The following STARD13 variants were observed in gnomAD, a reference collection of about 807,000 sequenced individuals.
STARD13 encodes stAR-related lipid transfer protein 13.
A neutral mutation model predicts 106.4 loss-of-function variants in STARD13; 62 were observed. The ratio of observed to expected loss-of-function variants is 0.58; its 90% CI spans 0.48 to 0.72. The LOEUF (loss-of-function observed/expected upper bound fraction) is 0.72. Among genes scored for constraint, STARD13 ranks in the 30% least tolerant of loss-of-function variants. STARD13 has a pLI of 0.00. For missense variants in STARD13, 1,387 were observed against 1,424.0 expected (o/e 0.97, Z 0.42); for synonymous variants, 565 against 553.0 (o/e 1.02, Z -0.31).
At chr13:33,218,892 T>C (rs1888189053) in intron 1 of STARD13, among the ~76,000 whole-genome samples, 1 of 152,192 alleles carries the variant, frequency 6.6e-6, no homozygotes, top group Non-Finnish European at 1.5e-5. Context: ...TGCTTGGTTA[T>C]GCTGAACAAC....
chr13:33,176,336 G>C (rs192136893), intron 1 of STARD13, among the ~76,000 whole-genome samples: 1 of 152,226 alleles, frequency 6.6e-6, no homozygotes, highest in African/African-American at 2.4e-5. Context: ...ACGTGTCTTT[G>C]CCAGTTTTCT....
At chr13:33,135,114 A>G (rs1878882220) in intron 4 of STARD13, among the ~76,000 whole-genome samples, 1 of 152,206 alleles carries the variant, frequency 6.6e-6, no homozygotes. Context: ...AGTAATCAGA[A>G]TGGCCAAGGA....
At chr13:33,200,792 T>C (rs1057027359) in intron 1 of STARD13, among the ~76,000 whole-genome samples, 2 of 150,790 alleles carry the variant, frequency 1.3e-5, no homozygotes, top group Non-Finnish European at 3.0e-5. Flanking sequence ...GAGGCCAAGG[T>C]GGGCAGATCA....
At chr13:33,174,134 G>A (rs1884275418) in intron 1 of STARD13, among the ~76,000 whole-genome samples, 1 of 151,988 alleles carries the variant, frequency 6.6e-6, no homozygotes, top group East Asian at 1.9e-4. Context: ...TTTATTCCTC[G>A]TCACTCAAGG....
chr13:33,590,711 AG>A, the STARD13 span, among the ~76,000 whole-genome samples: 1 of 28,290 alleles, frequency 3.5e-5, no homozygotes, highest in Non-Finnish European at 6.4e-5. Flanking sequence ...GGGTGGGGGG[AG>A]GGGGGAGGGG....
intron 1 of STARD13, among the ~76,000 whole-genome samples, chr13:33,265,084 C>T (rs970775007): frequency 2.6e-5 from 4 of 152,178 alleles, no homozygotes; most frequent in Non-Finnish European, 5.9e-5. Context: ...GAGGTGGCTT[C>T]TTCCTCCTTG....
the STARD13 span, among the ~76,000 whole-genome samples, chr13:33,356,100 G>T: frequency 1.3e-5 from 2 of 152,082 alleles, no homozygotes; most frequent in East Asian, 1.9e-4. Flanking sequence ...GTACACTTTG[G>T]GGGGACCATG....
chr13:33,569,817 T>G, the STARD13 span, among the ~76,000 whole-genome samples: 1 of 147,422 alleles, frequency 6.8e-6, no homozygotes, highest in Non-Finnish European at 1.5e-5. Context: ...AAGATAGAGA[T>G]AAAATAAAAT....
At chr13:33,110,970 A>C in intron 10 of STARD13, 63 bp from the exon 11 acceptor site, 2 of 1,459,310 alleles carry the variant, frequency 1.4e-6, no homozygotes, top group South Asian at 1.2e-5. Context: ...GACTCAAAGA[A>C]AGCAAAGCCA....
chr13:33,660,837 G>T, the STARD13 span, among the ~76,000 whole-genome samples: 1 of 152,286 alleles, frequency 6.6e-6, no homozygotes, highest in African/African-American at 2.4e-5. Flanking sequence ...TCCTGCCTTG[G>T]CCTTCCAACG....
At chr13:33,506,983 C>A in the STARD13 span, among the ~76,000 whole-genome samples, 10 of 152,054 alleles carry the variant, frequency 6.6e-5, no homozygotes, top group African/African-American at 2.4e-4. Flanking sequence ...TGCCTGTAGT[C>A]CCAGCTACTT....
At chr13:33,302,175 A>T (rs1364698023) in intron 1 of STARD13, among the ~76,000 whole-genome samples, 2 of 152,190 alleles carry the variant, frequency 1.3e-5, no homozygotes, top group Admixed American at 6.5e-5. Context: ...CAGCAACACT[A>T]CCTGATGCTG....
At position 33,129,536 on chromosome 13, in the gene STARD13, G is replaced by T. The variant is rs778938678; in HGVS notation, c.1141C>A (p.Gln381Lys). ...GAGTGAAATTCATGCATACGGCTTT[G>T]GTCCCCTGCATCCGGCAGTGCTGTC... Reference protein sequence around the residue: ...AGTALPDAGDQSRMHEFHSQE... With the variant: ...AGTALPDAGDKSRMHEFHSQE... The change falls in exon 5 of 14, where the codon CAA (glutamine) becomes AAA (lysine). Residue 381 changes from glutamine to lysine, a missense_variant. Gln to Lys is a moderately conservative substitution (Grantham distance 53). Transcript: ENST00000336934. 4 of 1,614,030 alleles carry T rather than the reference G, an allele frequency of 2.5e-6. No homozygotes were observed. The highest frequency in any genetic ancestry group is 3.4e-6 in the Non-Finnish European group (4 of 1,180,026).
chr13:33,585,161 C>G, the STARD13 span, among the ~76,000 whole-genome samples: 3 of 152,092 alleles, frequency 2.0e-5, no homozygotes, highest in African/African-American at 4.8e-5. Context: ...GAAAATGAAC[C>G]CTTGCGCACT....
At chr13:33,524,477 AACT>A in the STARD13 span, 1 of 161,172 alleles carries the variant, frequency 6.2e-6, no homozygotes, top group Admixed American at 6.3e-5. Context: ...AATTTTTTTA[AACT>A]ACAATCATTT....
At chr13:33,549,622 T>C in the STARD13 span, among the ~76,000 whole-genome samples, 1 of 152,222 alleles carries the variant, frequency 6.6e-6, no homozygotes, top group Non-Finnish European at 1.5e-5. Context: ...ACTATTATCA[T>C]AATCACCTTG....
chr13:33,129,227 G>A lies in STARD13; in HGVS notation c.1450C>T (p.Pro484Ser). The part of the protein sequence containing the change: ...LLDLEKDDLF[P>S]HLDDILQHVN... ...TGCTGCAGAATGTCATCCAAGTGAG[G>A]GAAAAGGTCATCTTTCTCCAAGTCC... The change falls in exon 5 of 14, where the codon CCT becomes TCT. Residue 484 changes from proline (P) to serine (S), a missense_variant. Coordinates refer to ENST00000336934, the MANE Select transcript of STARD13 (RefSeq NM_178006.4). The A allele has an allele frequency of 3.7e-6, 6 of 1,614,156 alleles. No homozygotes were observed. Among genetic ancestry groups the A allele is most frequent in the Non-Finnish European group, 5.1e-6 (6 of 1,180,026 alleles).
chr13:33,125,095 C>G (rs1455262623), intron 7 of STARD13, among the ~76,000 whole-genome samples: 1 of 152,168 alleles, frequency 6.6e-6, no homozygotes, highest in Non-Finnish European at 1.5e-5. Context: ...TTCTGGTTCA[C>G]CAAGAGACCA....
In STARD13 at chr13:33,242,190, G is replaced by T. The variant is rs539950982; in HGVS notation, c.169+43280C>A. Among the ~76,000 whole-genome samples, 628 of 152,264 alleles carry T rather than the reference G, an allele frequency of 4.1e-3. 6 individuals are homozygous for T. The highest frequency in any genetic ancestry group is 0.014 in the African/African-American group (588 of 41,554). On this transcript the variant is annotated intron_variant, in intron 1 of 13. Transcript: ENST00000336934. ...AAGTGAGGAGCCCCTCCGCCCAGCA[G>T]CCGCCCCATCCGGGAGGTGGGGGGC...
Sources: allele counts gnomAD v4.1 joint callset (sites outside exome capture counted in the v4.1 genomes callset), GRCh38; gene constraint gnomAD v4.1.1; transcripts MANE v1.5; gene names NCBI Gene and HGNC (gene_info 2026-07-23, HGNC 2026-07-21).